Variants in PCGF3 observed in about 807,000 individuals in gnomAD.
PCGF3 encodes polycomb group ring finger 3.
A neutral mutation model predicts 33.1 loss-of-function variants in PCGF3; 7 were observed. That is an observed-to-expected ratio of 0.21 (90% CI 0.12 to 0.40). PCGF3 has a LOEUF of 0.40. Ranked by LOEUF, PCGF3 falls within the 10% of genes least tolerant of loss-of-function variation. The probability of loss-of-function intolerance (pLI) is 1.00; values close to 1 mark genes in which losing one functional copy is unlikely to be tolerated. For missense variants in PCGF3, 211 were observed against 313.3 expected, an observed-to-expected ratio of 0.67 and a Z score of 2.46; for synonymous variants, 153 against 121.3, an observed-to-expected ratio of 1.26 and a Z score of -1.72.
At chr4:765,904 T>G in intron 10 of PCGF3, 128 bp from the exon 11 acceptor site, 2 of 789,072 alleles carry the variant, frequency 2.5e-6, no homozygotes, top group South Asian at 3.1e-5. Flanking sequence ...AACAGAAGGG[T>G]CTCTGTGCAG....
exon 11 of PCGF3, chr4:768,046 A>G (rs1745456328): frequency 6.5e-6 from 1 of 152,692 alleles, no homozygotes; most frequent in Non-Finnish European, 1.5e-5. Context: ...TATCATTGTA[A>G]TAATCTCATA....
In PCGF3 at chr4:737,328, T is replaced by G. The variant is rs1255562293; in HGVS notation, c.207-138T>G. ...ACATGGCTTTTGGTGACACATTTTT[T>G]CATGTGTAAACTAGAAGTAAAATTC... On this transcript the variant is annotated intron_variant, in intron 5 of 10. Transcript: ENST00000362003. 24 of 652,054 alleles carry G rather than the reference T, an allele frequency of 3.7e-5. No individual in the cohort carries two copies. In the East Asian group the frequency reaches 6.1e-4, roughly 17 times the overall value. 40.4% of individuals were successfully genotyped at this position (652,054 alleles called of 1,614,324 possible).
intron 1 of PCGF3, among the ~76,000 whole-genome samples, chr4:712,636 T>TG (rs1196234855): frequency 1.3e-5 from 2 of 152,124 alleles, no homozygotes; most frequent in Non-Finnish European, 2.9e-5. Flanking sequence ...TTAGTAGAGA[T>TG]GGGGTTTTGC....
exon 11 of PCGF3, chr4:766,826 G>A (rs1745399025): frequency 6.6e-6 from 1 of 152,234 alleles, no homozygotes; most frequent in African/African-American, 2.4e-5. Context: ...GTAGACCAGA[G>A]GCCGTGTGAC....
chr4:761,255 T>C, intron 8 of PCGF3, 24 bp from the exon 9 acceptor site: 4 of 1,557,214 alleles, frequency 2.6e-6, no homozygotes, highest in Non-Finnish European at 3.5e-6. Context: ...CCTGCTGCGC[T>C]CTCACCAGCG....
chr4:743,636 CCTTTT>C (rs1450498279), intron 7 of PCGF3, 52 bp downstream of exon 7: 1 of 1,075,290 alleles, frequency 9.3e-7, no homozygotes, highest in Admixed American at 1.8e-5. Context: ...CTGCATGAGG[CCTTTT>C]CTTAAAGAGC....
rs900162090 is a variant in PCGF3, at chr4:737,166, C to T, written c.207-300C>T. On this transcript the variant is annotated intron_variant, in intron 5 of 10. Transcript: ENST00000362003. ...GGGGTGTCTGCAGGGACGGTGTCCCCTGAGCGCACGGGACGTGGGGAATCT... is the reference window on the plus strand; with the variant it reads ...GGGGTGTCTGCAGGGACGGTGTCCCTTGAGCGCACGGGACGTGGGGAATCT... 2.6e-5 allele frequency among the ~76,000 whole-genome samples: 4 copies of T among 152,038 alleles called. No homozygotes were observed. The East Asian group carries it at 7.8e-4, about 29-fold the overall frequency.
chr4:711,093 C>T (rs1305288133), intron 1 of PCGF3, among the ~76,000 whole-genome samples: 1 of 152,212 alleles, frequency 6.6e-6, no homozygotes, highest in Non-Finnish European at 1.5e-5. Context: ...TGCTCCTAGC[C>T]CACACCCTCC....
At chr4:727,627 C>T (rs188564914) in intron 1 of PCGF3, among the ~76,000 whole-genome samples, 82 of 152,178 alleles carry the variant, frequency 5.4e-4, no homozygotes, top group African/African-American at 1.8e-3. Flanking sequence ...TGATTTTTCT[C>T]CTTGTATCTT....
intron 1 of PCGF3, chr4:722,130 G>GGACA (rs1743105034): frequency 6.5e-6 from 1 of 154,928 alleles, no homozygotes; most frequent in African/African-American, 2.4e-5. Flanking sequence ...TGTTATCTAA[G>GGACA]GACACACCCA....
At chr4:714,563 C>G (rs537322264) in intron 1 of PCGF3, among the ~76,000 whole-genome samples, 2 of 152,208 alleles carry the variant, frequency 1.3e-5, no homozygotes, top group East Asian at 3.9e-4. Context: ...TCCATGTTTT[C>G]CTGAACCAGA....
intron 4 of PCGF3, 154 bp from the exon 5 acceptor site, chr4:734,777 T>G: frequency 7.1e-7 from 1 of 1,407,298 alleles, no homozygotes; most frequent in Non-Finnish European, 9.3e-7. Context: ...AACGGCAAGA[T>G]GTTTCCTTTC....
chr4:768,833 T>C (rs1025068146), exon 11 of PCGF3: 1 of 152,688 alleles, frequency 6.5e-6, no homozygotes, highest in Non-Finnish European at 1.5e-5. Context: ...CTTTTTACTT[T>C]GAGTAGCTTT....
chr4:735,139 A>C, intron 5 of PCGF3, 112 bp downstream of exon 5: 5 of 1,243,548 alleles, frequency 4.0e-6, no homozygotes, highest in Non-Finnish European at 5.6e-6. Context: ...CCTTGGCAGC[A>C]GCCTCTCCTG....
chr4:763,837 A>G (rs1745204659), intron 9 of PCGF3, among the ~76,000 whole-genome samples: 2 of 152,344 alleles, frequency 1.3e-5, no homozygotes, highest in Non-Finnish European at 1.5e-5. Context: ...GGAAAAATAA[A>G]CCGTGGTGCA....
chr4:734,289 G>A (rs1414155675), intron 4 of PCGF3: 23 of 1,460,218 alleles, frequency 1.6e-5, no homozygotes, highest in Non-Finnish European at 1.9e-5. Flanking sequence ...GCTGAGGCTC[G>A]GCTCTTATGC....
rs1743076946 is a variant in PCGF3 at position 721,545 on chromosome 4, G to A, written c.-189-9085G>A. Among the ~76,000 whole-genome samples the A allele has an allele frequency of 6.6e-6, 1 of 152,070 alleles. No homozygotes were observed. Among genetic ancestry groups the A allele is most frequent in the Non-Finnish European group, 1.5e-5 (1 of 67,984 alleles). On this transcript the variant is annotated intron_variant, in intron 1 of 10. Transcript: ENST00000362003. This position sits in a 1 kb window ranked among gnomAD's most constrained non-coding sequence, Gnocchi z 4.1. ...CGGTGCCTTAGGAGGCTGCGGGCGA[G>A]GCGAGGGCAGAGTGCACTCGCTGGG...
chr4:761,830 C>G (rs373019617), intron 9 of PCGF3: 1 of 985,382 alleles, frequency 1.0e-6, no homozygotes. Flanking sequence ...AGCGGGCGCA[C>G]CATGAACATG....
At chr4:747,756 A>T (rs1244274257) in intron 8 of PCGF3, among the ~76,000 whole-genome samples, 1 of 152,154 alleles carries the variant, frequency 6.6e-6, no homozygotes, top group Non-Finnish European at 1.5e-5. Context: ...GTGCTCCTGT[A>T]ATAGTGCAGT....
Sources: allele counts gnomAD v4.1 joint callset (sites outside exome capture counted in the v4.1 genomes callset), GRCh38; gene constraint gnomAD v4.1.1; non-coding constraint Gnocchi (gnomAD v3.1); transcripts MANE v1.5; gene names NCBI Gene and HGNC (gene_info 2026-07-23, HGNC 2026-07-21).